The following SETBP1 variants were observed in gnomAD, a reference collection of about 807,000 sequenced individuals.
The protein encoded by SETBP1 is SET-binding protein.
A neutral mutation model predicts 101.0 loss-of-function variants in SETBP1; 9 were observed. That is an observed-to-expected ratio of 0.09 (90% CI 0.05 to 0.16). SETBP1 has a LOEUF of 0.16. SETBP1 is among the 10% of genes least tolerant of loss of function. SETBP1 has a pLI of 1.00. For missense variants in SETBP1, 1,858 were observed against 2,033.8 expected, an observed-to-expected ratio of 0.91 and a Z score of 1.66; for synonymous variants, 818 against 788.5, an observed-to-expected ratio of 1.04 and a Z score of -0.63.
intron 4 of SETBP1, among the ~76,000 whole-genome samples, chr18:44,964,945 T>TA (rs1268895462): frequency 4.6e-5 from 7 of 152,184 alleles, no homozygotes; most frequent in Non-Finnish European, 1.0e-4. Context: ...GGATACATTT[T>TA]AAAAATAAAT....
At chr18:44,807,161 G>A (rs2071762229) in intron 2 of SETBP1, among the ~76,000 whole-genome samples, 1 of 152,126 alleles carries the variant, frequency 6.6e-6, no homozygotes, top group African/African-American at 2.4e-5. Context: ...AATATAATGT[G>A]AGCTCAGACT....
intron 2 of SETBP1, among the ~76,000 whole-genome samples, chr18:44,712,475 C>T (rs970199691): frequency 4.6e-5 from 7 of 152,182 alleles, no homozygotes; most frequent in African/African-American, 1.7e-4. Flanking sequence ...CACAGTACCC[C>T]TGCAGAACCA....
At chr18:44,716,373 T>G (rs953788975) in intron 2 of SETBP1, among the ~76,000 whole-genome samples, 22 of 152,156 alleles carry the variant, frequency 1.4e-4, no homozygotes, top group African/African-American at 5.1e-4. Context: ...AATCCACCAC[T>G]GACGGAAGTT....
At chr18:44,769,010 G>A (rs1333927747) in intron 2 of SETBP1, among the ~76,000 whole-genome samples, 1 of 152,166 alleles carries the variant, frequency 6.6e-6, no homozygotes, top group African/African-American at 2.4e-5. Context: ...AACAGAGGTG[G>A]GAGGTACACT....
At chr18:44,740,298 C>T (rs1056827666) in intron 2 of SETBP1, among the ~76,000 whole-genome samples, 1 of 152,100 alleles carries the variant, frequency 6.6e-6, no homozygotes, top group Non-Finnish European at 1.5e-5. Context: ...ACGATATTAC[C>T]TATTACACAT....
At chr18:44,966,527 G>A (rs959706844) in intron 4 of SETBP1, among the ~76,000 whole-genome samples, 1 of 152,036 alleles carries the variant, frequency 6.6e-6, no homozygotes, top group African/African-American at 2.4e-5. Flanking sequence ...CTTTATATTA[G>A]GTAGGGATGT....
At chr18:44,683,378 T>C (rs920475689) in intron 1 of SETBP1, among the ~76,000 whole-genome samples, 1 of 152,142 alleles carries the variant, frequency 6.6e-6, no homozygotes, top group Non-Finnish European at 1.5e-5. Context: ...AAACAGTGCT[T>C]GGGAGTGTTT....
At chr18:44,962,814 A>G (rs2071639645) in intron 4 of SETBP1, among the ~76,000 whole-genome samples, 1 of 152,116 alleles carries the variant, frequency 6.6e-6, no homozygotes, top group Non-Finnish European at 1.5e-5. Context: ...GGTTTCCATG[A>G]TCTTCAGTGC....
chr18:44,910,425 G>A (rs1304053988), intron 3 of SETBP1, among the ~76,000 whole-genome samples: 4 of 152,156 alleles, frequency 2.6e-5, no homozygotes, highest in African/African-American at 9.7e-5. Flanking sequence ...AAACCTTTAT[G>A]TCTTTGATGG....
chr18:44,855,702 AC>A (rs2072961250), intron 2 of SETBP1, among the ~76,000 whole-genome samples: 1 of 152,152 alleles, frequency 6.6e-6, no homozygotes. Context: ...TGATTCCCCC[AC>A]CCAGAGAGCC....
intron 2 of SETBP1, among the ~76,000 whole-genome samples, chr18:44,738,942 A>G (rs1026284822): frequency 6.6e-6 from 1 of 152,162 alleles, no homozygotes; most frequent in African/African-American, 2.4e-5. Context: ...AATGGGCCTC[A>G]CTGGGCTCAA....
In SETBP1 at chr18:45,000,148, T is replaced by C. The variant is rs73485250; in HGVS notation, c.4001-38337T>C. On this transcript the variant is annotated intron_variant, in intron 4 of 5. Transcript: ENST00000649279. ...GAAATCAGGTGATGTTTAAGAGGGA[T>C]ATGATTTGGCATAAAGTTGTCTAGA... Among the ~76,000 whole-genome samples the C allele has an allele frequency of 2.5e-3, 381 of 152,364 alleles. 2 individuals carry two copies. The highest frequency in any genetic ancestry group is 8.7e-3 in the African/African-American group (361 of 41,592).
chr18:45,023,382 T>A (rs1197787852), intron 4 of SETBP1, among the ~76,000 whole-genome samples: 1 of 152,182 alleles, frequency 6.6e-6, no homozygotes, highest in Non-Finnish European at 1.5e-5. Context: ...CAGCATCTTG[T>A]TTCATCAACT....
At chr18:44,877,062 C>G (rs2069423271) in intron 3 of SETBP1, 15 of 1,068,190 alleles carry the variant, frequency 1.4e-5, no homozygotes, top group Non-Finnish European at 1.7e-5. Context: ...CCTTTACTCT[C>G]TAGGCCTTTT....
At chr18:44,846,148 A>T (rs2072720580) in intron 2 of SETBP1, among the ~76,000 whole-genome samples, 2 of 152,222 alleles carry the variant, frequency 1.3e-5, no homozygotes, top group South Asian at 4.1e-4. Context: ...TGACTTAGGA[A>T]GTAACAACAG....
chr18:45,022,824 C>T (rs570422679), intron 4 of SETBP1, among the ~76,000 whole-genome samples: 1 of 152,290 alleles, frequency 6.6e-6, no homozygotes, highest in East Asian at 1.9e-4. Flanking sequence ...AGCGAGACTC[C>T]ATCTCAAAAA....
chr18:44,972,023 G>A (rs1467605282), intron 4 of SETBP1, among the ~76,000 whole-genome samples: 2 of 152,330 alleles, frequency 1.3e-5, no homozygotes, highest in East Asian at 1.9e-4. Context: ...TAACATTTAA[G>A]TCTTTATGCA....
chr18:45,054,614 A>G lies in SETBP1; in HGVS notation c.4172-8465A>G, dbSNP rs77811936. Among the ~76,000 whole-genome samples, 8 of 152,276 alleles carry G rather than the reference A, an allele frequency of 5.3e-5. No homozygotes were observed. In the East Asian group the frequency reaches 1.5e-3, roughly 29 times the overall value. On this transcript the variant is annotated intron_variant, in intron 5 of 5. Transcript: ENST00000649279. ...ATGATGCACCTTACAGGGAGCTATA[A>G]TCTCATCTTTTGCTGGTTCTCTTAT... is the stretch of plus-strand genomic sequence containing the variant.
intron 2 of SETBP1, among the ~76,000 whole-genome samples, chr18:44,723,508 A>C (rs1019456151): frequency 6.6e-6 from 1 of 151,290 alleles, no homozygotes; most frequent in African/African-American, 2.4e-5. Context: ...CGGCGGGGGG[A>C]AAAAAAACAA....
Sources: gnomAD v4.1 joint callset for allele counts (sites outside exome capture counted in the v4.1 genomes callset) on GRCh38, gnomAD v4.1.1 for gene constraint, MANE v1.5 for transcripts, NCBI Gene and HGNC (gene_info 2026-07-23, HGNC 2026-07-21) for gene names.